FMN1: variants seen among roughly 807,000 people sequenced by gnomAD.
FMN1 encodes formin 1, also known as formin-1.
FMN1 carries 110 observed loss-of-function variants against 132.4 expected under a neutral mutation model. The observed-to-expected ratio is 0.83, with a 90% CI of 0.71 to 0.97. The LOEUF is 0.97. Ranked by LOEUF, FMN1 falls within the 50% of genes least tolerant of loss-of-function variation. The probability of loss-of-function intolerance (pLI) is 0.00; values close to 1 mark genes in which losing one functional copy is unlikely to be tolerated. For synonymous variants in FMN1, 722 were observed against 651.7 expected, an observed-to-expected ratio of 1.11 and a Z score of -1.64; for missense variants, 1,792 against 1,705.3, an observed-to-expected ratio of 1.05 and a Z score of -0.90.
rs553646605 is a variant in FMN1 at position 32,864,867 on chromosome 15, GTC to G, written c.3836-7762_3836-7761del. Among the ~76,000 whole-genome samples, 301 of 152,272 alleles carry G rather than the reference GTC, an allele frequency of 2.0e-3. 1 individual carries two copies. The highest frequency in any genetic ancestry group is 6.8e-3 in the African/African-American group (284 of 41,564). On this transcript the variant is annotated intron_variant, in intron 16 of 20. Transcript: ENST00000616417. ...GAAACAATCCAAATGCCCATCCATC[GTC>G]TGATAAATGGATAAATAAAATATAC...
chr15:32,880,787 A>C (rs746499787), intron 16 of FMN1, among the ~76,000 whole-genome samples: 9 of 152,188 alleles, frequency 5.9e-5, no homozygotes, highest in Non-Finnish European at 8.8e-5. Flanking sequence ...GTCTGAAGTC[A>C]TTCTGTTTCC....
intron 9 of FMN1, among the ~76,000 whole-genome samples, chr15:32,958,722 T>A (rs1397773922): frequency 6.6e-6 from 1 of 152,136 alleles, no homozygotes; most frequent in Non-Finnish European, 1.5e-5. Context: ...TGAAATGTGC[T>A]GAGGGATGAA....
chr15:32,807,759 C>G (rs930866732), intron 17 of FMN1, among the ~76,000 whole-genome samples: 5 of 152,130 alleles, frequency 3.3e-5, no homozygotes, highest in Non-Finnish European at 7.3e-5. Context: ...TATTAAGAGC[C>G]AATGCACACT....
At chr15:32,995,839 T>A (rs756099528) in intron 7 of FMN1, among the ~76,000 whole-genome samples, 1 of 152,234 alleles carries the variant, frequency 6.6e-6, no homozygotes, top group Non-Finnish European at 1.5e-5. Flanking sequence ...TATTCAGATG[T>A]TTCCTTCATA....
intron 16 of FMN1, among the ~76,000 whole-genome samples, chr15:32,864,401 T>C (rs567334537): frequency 1.3e-5 from 2 of 152,330 alleles, no homozygotes; most frequent in South Asian, 4.1e-4. Flanking sequence ...CATTTTCTAC[T>C]AAATAGCCCT....
At chr15:32,990,446 C>T (rs1329365704) in intron 7 of FMN1, among the ~76,000 whole-genome samples, 1 of 152,136 alleles carries the variant, frequency 6.6e-6, no homozygotes, top group Non-Finnish European at 1.5e-5. Flanking sequence ...AGGACAATTA[C>T]TTCATCTGTT....
At chr15:33,049,910 G>A (rs1359249521) in intron 6 of FMN1, among the ~76,000 whole-genome samples, 1 of 152,208 alleles carries the variant, frequency 6.6e-6, no homozygotes, top group Non-Finnish European at 1.5e-5. Flanking sequence ...TCTAGGGGCT[G>A]CTCAATTCAC....
At chr15:32,876,676 A>G (rs1222904521) in intron 16 of FMN1, among the ~76,000 whole-genome samples, 2 of 152,216 alleles carry the variant, frequency 1.3e-5, no homozygotes, top group Non-Finnish European at 2.9e-5. Context: ...AAAGATTGAG[A>G]ACAATTATAA....
chr15:33,060,473 G>A (rs567978021), intron 6 of FMN1, among the ~76,000 whole-genome samples: 1 of 152,176 alleles, frequency 6.6e-6, no homozygotes, highest in African/African-American at 2.4e-5. Context: ...TTATTAAATT[G>A]AGGAATGGTT....
In FMN1 at chr15:33,154,012, G is replaced by A; in HGVS notation, c.903C>T (p.Asp301=). 6.5e-7 allele frequency: 1 copy of A among 1,536,502 alleles called. No individual in the cohort carries two copies. The highest frequency in any genetic ancestry group is 1.4e-5 in the African/African-American group (1 of 73,118). ...QQTGLSESHQ[D]PEKHPEAEKD... ...TTTCTGCCTCTGGATGCTTCTCAGG[G>A]TCCTGGTGACTTTCAGACAAACCTG... The change falls in exon 4 of 21, where the codon GAC becomes GAT. Residue 301 remains aspartate (D), a synonymous_variant. Coordinates refer to ENST00000616417, the MANE Select transcript of FMN1 (RefSeq NM_001277313.2).
At chr15:33,012,271 C>T (rs2034772969) in intron 6 of FMN1, 11 of 730,706 alleles carry the variant, frequency 1.5e-5, no homozygotes, top group South Asian at 1.4e-4. Context: ...ATCCAAACAC[C>T]AGGTATTCCA....
chr15:32,887,749 G>C (rs189720251), intron 16 of FMN1, among the ~76,000 whole-genome samples: 1 of 152,166 alleles, frequency 6.6e-6, no homozygotes, highest in Non-Finnish European at 1.5e-5. Flanking sequence ...TTAGAGCTCA[G>C]TAAATCTGTC....
chr15:32,827,832 A>T (rs59119474), intron 17 of FMN1, among the ~76,000 whole-genome samples: 1 of 151,196 alleles, frequency 6.6e-6, no homozygotes, highest in Non-Finnish European at 1.5e-5. Flanking sequence ...TGACAGAGCA[A>T]GACTCCGTCT....
chr15:32,989,767 G>A (rs1009391704), intron 7 of FMN1, among the ~76,000 whole-genome samples: 3 of 152,174 alleles, frequency 2.0e-5, no homozygotes, highest in Non-Finnish European at 2.9e-5. Flanking sequence ...ATGCCAAGCA[G>A]TGAGTATATA....
chr15:33,131,148 C>CA (rs1963527319), intron 4 of FMN1, among the ~76,000 whole-genome samples: 2 of 151,800 alleles, frequency 1.3e-5, no homozygotes. Context: ...TGGCCAAATA[C>CA]AAAAAATTAC....
At chr15:32,891,798 A>G (rs956942892) in intron 15 of FMN1, among the ~76,000 whole-genome samples, 10 of 152,064 alleles carry the variant, frequency 6.6e-5, no homozygotes, top group African/African-American at 2.4e-4. Flanking sequence ...ACATATATAT[A>G]TATGTATATA....
chr15:32,784,165 A>G (rs1349284519), intron 19 of FMN1, among the ~76,000 whole-genome samples: 2 of 152,138 alleles, frequency 1.3e-5, no homozygotes, highest in African/African-American at 4.8e-5. Context: ...ACTCCTTTTC[A>G]CTATTGGAAA....
chr15:32,838,641 T>C (rs2058679249), intron 17 of FMN1, among the ~76,000 whole-genome samples: 1 of 152,222 alleles, frequency 6.6e-6, no homozygotes, highest in Non-Finnish European at 1.5e-5. Flanking sequence ...GGGTGACCTC[T>C]GTTGTCAGCA....
chr15:32,907,554 C>T (rs1159880714), intron 12 of FMN1, among the ~76,000 whole-genome samples: 1 of 152,082 alleles, frequency 6.6e-6, no homozygotes, highest in African/African-American at 2.4e-5. Flanking sequence ...GTTGGGGACC[C>T]GTTTCTAGAG....
Sources: allele counts gnomAD v4.1 joint callset (sites outside exome capture counted in the v4.1 genomes callset), GRCh38; gene constraint gnomAD v4.1.1; transcripts MANE v1.5; gene names NCBI Gene and HGNC (gene_info 2026-07-23, HGNC 2026-07-21).